Variants in PDZRN4 observed in about 807,000 individuals in gnomAD.
PDZRN4 encodes PDZ domain-containing RING finger protein 4.
Under a neutral mutation model 99.0 loss-of-function variants are expected in PDZRN4, and 70 were observed. The ratio of observed to expected loss-of-function variants is 0.71; its 90% CI spans 0.58 to 0.86. PDZRN4 has a LOEUF of 0.86. PDZRN4 is among the 40% of genes least tolerant of loss of function. The probability of loss-of-function intolerance (pLI) is 0.00; values close to 1 mark genes in which losing one functional copy is unlikely to be tolerated. For synonymous variants in PDZRN4, 551 were observed against 501.6 expected (o/e 1.10, Z -1.32); for missense variants, 1,474 against 1,331.2 (o/e 1.11, Z -1.67).
chr12:41,326,075 C>A (rs181753597), intron 3 of PDZRN4, among the ~76,000 whole-genome samples: 1 of 152,048 alleles, frequency 6.6e-6, no homozygotes, highest in African/African-American at 2.4e-5. Context: ...CCTCAACCTC[C>A]CAGGTTCAAG....
intron 5 of PDZRN4, 124 bp from the exon 6 acceptor site, chr12:41,552,532 T>C: frequency 4.9e-6 from 3 of 609,974 alleles, no homozygotes; most frequent in Non-Finnish European, 8.2e-6. Flanking sequence ...AAAAGTTAAT[T>C]TCCAATGTTG....
intron 3 of PDZRN4, among the ~76,000 whole-genome samples, chr12:41,271,875 C>T (rs1566411766): frequency 1.3e-5 from 2 of 152,020 alleles, no homozygotes; most frequent in African/African-American, 2.4e-5. Context: ...TAGGGAATAT[C>T]TGAAATATGG....
intron 3 of PDZRN4, among the ~76,000 whole-genome samples, chr12:41,205,051 G>A (rs1950839776): frequency 6.6e-6 from 1 of 151,708 alleles, no homozygotes; most frequent in African/African-American, 2.4e-5. Flanking sequence ...TAGACTATAA[G>A]ATAAAAATGA....
chr12:41,530,733 A>C (rs1312555719), intron 5 of PDZRN4, among the ~76,000 whole-genome samples: 2 of 152,228 alleles, frequency 1.3e-5, no homozygotes, highest in Admixed American at 1.3e-4. Context: ...AGAGCACCAC[A>C]TTCTCACAAA....
At chr12:41,455,538 G>T (rs1039712699) in intron 3 of PDZRN4, among the ~76,000 whole-genome samples, 19 of 152,194 alleles carry the variant, frequency 1.2e-4, no homozygotes, top group African/African-American at 4.6e-4. Flanking sequence ...TTCAACTATT[G>T]CAGCAAAAAT....
chr12:41,525,024 T>C (rs1938547544), intron 5 of PDZRN4, among the ~76,000 whole-genome samples: 1 of 152,176 alleles, frequency 6.6e-6, no homozygotes, highest in South Asian at 2.1e-4. Context: ...ATTAGATAGC[T>C]ATTTCCTAAA....
At chr12:41,277,443 G>GA (rs1193474996) in intron 3 of PDZRN4, among the ~76,000 whole-genome samples, 21 of 152,176 alleles carry the variant, frequency 1.4e-4, no homozygotes, top group African/African-American at 4.3e-4. Context: ...TCCCACTGAG[G>GA]AAAGAGTCCG....
At chr12:41,324,010 G>A (rs1951695333) in intron 3 of PDZRN4, among the ~76,000 whole-genome samples, 1 of 151,960 alleles carries the variant, frequency 6.6e-6, no homozygotes, top group African/African-American at 2.4e-5. Context: ...GCTATTATAA[G>A]ACATTCATAG....
chr12:41,540,588 A>T (rs1049789930), intron 5 of PDZRN4, among the ~76,000 whole-genome samples: 1 of 152,204 alleles, frequency 6.6e-6, no homozygotes, highest in African/African-American at 2.4e-5. Flanking sequence ...GTCATTCCTC[A>T]TCAGCATATA....
chr12:41,524,148 C>T (rs1938533360), intron 5 of PDZRN4, among the ~76,000 whole-genome samples: 2 of 152,174 alleles, frequency 1.3e-5, no homozygotes, highest in South Asian at 4.2e-4. Flanking sequence ...TAAGTATAGC[C>T]AAGGAGGCAA....
chr12:41,265,515 A>G lies in PDZRN4; in HGVS notation c.843+71327A>G, dbSNP rs546159907. On this transcript the variant is annotated intron_variant, in intron 3 of 9. Transcript: ENST00000402685. ...TCCTGTCTTAAATCCTGCAGGTTAG[A>G]TTAAAATATATTGCATCAAAAAAAT... Among the ~76,000 whole-genome samples the G allele has an allele frequency of 5.3e-5, 8 of 152,316 alleles. No homozygotes were observed. In the South Asian group the frequency reaches 8.3e-4, roughly 16 times the overall value.
chr12:41,556,450 G>T (rs1003672762), intron 7 of PDZRN4, among the ~76,000 whole-genome samples: 2 of 152,198 alleles, frequency 1.3e-5, no homozygotes, highest in Non-Finnish European at 2.9e-5. Context: ...AATCTGTACA[G>T]CATGTTACTG....
intron 3 of PDZRN4, among the ~76,000 whole-genome samples, chr12:41,477,210 T>C (rs2120587213): frequency 6.6e-6 from 1 of 152,334 alleles, no homozygotes; most frequent in South Asian, 2.1e-4. Context: ...TAAAGATTAA[T>C]GCAAGTATAA....
At chr12:41,222,361 C>T (rs1165626810) in intron 3 of PDZRN4, among the ~76,000 whole-genome samples, 1 of 152,090 alleles carries the variant, frequency 6.6e-6, no homozygotes, top group Non-Finnish European at 1.5e-5. Context: ...CTGCTATCTG[C>T]CCTTAGGCAG....
intron 5 of PDZRN4, among the ~76,000 whole-genome samples, chr12:41,545,988 G>A (rs536799905): frequency 3.3e-5 from 5 of 152,132 alleles, no homozygotes; most frequent in South Asian, 2.1e-4. Context: ...AAGAGTGGGC[G>A]GTTTTTGTTG....
At chr12:41,467,828 A>T (rs1179035166) in intron 3 of PDZRN4, among the ~76,000 whole-genome samples, 2 of 152,174 alleles carry the variant, frequency 1.3e-5, no homozygotes, top group East Asian at 3.9e-4. Flanking sequence ...GTGAGAAATC[A>T]CTTATTCCAT....
chr12:41,417,523 C>A (rs761669030), intron 3 of PDZRN4, among the ~76,000 whole-genome samples: 42 of 152,172 alleles, frequency 2.8e-4, no homozygotes, highest in Non-Finnish European at 5.0e-4. Context: ...GTGTACCAGG[C>A]AGTATTCAAG....
At chr12:41,363,001 G>C (rs1398945352) in intron 3 of PDZRN4, among the ~76,000 whole-genome samples, 1 of 152,022 alleles carries the variant, frequency 6.6e-6, no homozygotes, top group African/African-American at 2.4e-5. Context: ...CACAAGATTT[G>C]GGCCTTAGGG....
chr12:41,436,688 T>A (rs1952632463), intron 3 of PDZRN4, among the ~76,000 whole-genome samples: 1 of 152,170 alleles, frequency 6.6e-6, no homozygotes, highest in Non-Finnish European at 1.5e-5. Context: ...TTGTAGTATA[T>A]CTTTAAGGGA....
Sources: gnomAD v4.1 joint callset for allele counts (sites outside exome capture counted in the v4.1 genomes callset) on GRCh38, gnomAD v4.1.1 for gene constraint, MANE v1.5 for transcripts, NCBI Gene and HGNC (gene_info 2026-07-23, HGNC 2026-07-21) for gene names.